Variants in STN1 observed in about 807,000 individuals in gnomAD.
STN1 encodes the protein CST complex subunit STN1.
A neutral mutation model predicts 45.5 loss-of-function variants in STN1; 29 were observed. The observed-to-expected ratio is 0.64, with a 90% CI of 0.47 to 0.87. The LOEUF (loss-of-function observed/expected upper bound fraction) is 0.87. STN1 is among the 40% of genes least tolerant of loss of function. The pLI is 0.00. For missense variants in STN1, 376 were observed against 441.4 expected (o/e 0.85, Z 1.33); for synonymous variants, 148 against 159.0 (o/e 0.93, Z 0.52).
intron 5 of STN1, among the ~76,000 whole-genome samples, chr10:103,899,500 GC>G (rs1843192775): frequency 6.6e-6 from 1 of 152,140 alleles, no homozygotes; most frequent in South Asian, 2.1e-4. Flanking sequence ...TTTGAGACCA[GC>G]CTGGACAACA....
intron 4 of STN1, among the ~76,000 whole-genome samples, chr10:103,903,301 A>C (rs1843221318): frequency 6.6e-6 from 1 of 152,226 alleles, no homozygotes; most frequent in South Asian, 2.1e-4. Flanking sequence ...CATCTAGAAC[A>C]AGTACGCATA....
intron 4 of STN1, among the ~76,000 whole-genome samples, chr10:103,904,666 C>A (rs1843229428): frequency 6.6e-6 from 1 of 152,026 alleles, no homozygotes; most frequent in African/African-American, 2.4e-5. Flanking sequence ...AAATCTGGAC[C>A]ATGGCAGCAC....
chr10:103,881,161 C>T lies in STN1; in HGVS notation c.*1523G>A, dbSNP rs1251704410. Among the ~76,000 whole-genome samples, 2 of 152,064 alleles carry T rather than the reference C, an allele frequency of 1.3e-5. No homozygotes were observed. The highest frequency in any genetic ancestry group is 4.8e-5 in the African/African-American group (2 of 41,398). ...TAACTTTTTCCCTATAGGTATTTTC[C>T]CCAATATAGAATTCTAGATTATACA... On this transcript the variant is annotated 3_prime_UTR_variant, in exon 10 of 10. Coordinates refer to ENST00000224950, the MANE Select transcript of STN1 (RefSeq NM_024928.5).
intron 7 of STN1, 131 bp from the exon 8 acceptor site, chr10:103,892,383 G>C (rs1216670284): frequency 1.3e-6 from 1 of 745,670 alleles, no homozygotes; most frequent in African/African-American, 1.8e-5. Flanking sequence ...AAAAGATCCT[G>C]GTATGTACCG....
intron 9 of STN1, among the ~76,000 whole-genome samples, chr10:103,886,774 T>C (rs1463725585): frequency 6.6e-6 from 1 of 152,200 alleles, no homozygotes; most frequent in African/African-American, 2.4e-5. Context: ...TTACTTCTTA[T>C]AAAAACCCAT....
At position 103,880,481 on chromosome 10, in the gene STN1, CCT is replaced by C. The variant is rs1357084530; in HGVS notation, c.*2201_*2202del. 6.6e-6 allele frequency among the ~76,000 whole-genome samples: 1 copy of C among 152,188 alleles called. No homozygotes were observed. The highest frequency in any genetic ancestry group is 1.5e-5 in the Non-Finnish European group (1 of 68,032). On this transcript the variant is annotated 3_prime_UTR_variant, in exon 10 of 10. Transcript: ENST00000224950. The stretch of plus-strand genomic sequence containing the variant: ...CGTGGGGTTTCATTTGGGACCCTCC[CCT>C]CTCTGCCTAGGCATTTGGCTGCCTC...
At position 103,892,213 on chromosome 10, in the gene STN1, T is replaced by G. The variant is rs74157365; in HGVS notation, c.793A>C (p.Ser265Arg). 2.6e-4 allele frequency: 424 copies of G among 1,606,016 alleles called. No individual in the cohort carries two copies. The African/African-American group carries it at 5.0e-3, about 19-fold the overall frequency. ...KKDTTSKAIH[S>R]IFKNAIQLLQ... ...AGTTGTATAGCATTCTTAAATATACTATGAATTGCCTTGGAAGTGGTGTCC... is the reference window on the plus strand; with the variant it reads ...AGTTGTATAGCATTCTTAAATATACGATGAATTGCCTTGGAAGTGGTGTCC... Residue 265 changes from serine (S) to arginine (R), a missense_variant, in exon 8 of 10, where the codon AGT becomes CGT. By Grantham distance (110) the Ser-to-Arg change is moderately radical. Transcript: ENST00000224950.
intron 3 of STN1, among the ~76,000 whole-genome samples, chr10:103,909,413 T>TAC (rs1843268971): frequency 1.4e-5 from 1 of 70,066 alleles, no homozygotes; most frequent in African/African-American, 5.5e-5. Flanking sequence ...TATATGTATA[T>TAC]ATGTATATAT....
rs766004209 is a variant in STN1 at position 103,910,542 on chromosome 10, A to G, written c.214T>C (p.Phe72Leu). The G allele has an allele frequency of 6.2e-7, 1 of 1,602,076 alleles. No homozygotes were observed. The highest frequency in any genetic ancestry group is 2.2e-5 in the East Asian group (1 of 44,832). The change falls in exon 3 of 10, where the codon TTC becomes CTC. Residue 72 changes from phenylalanine to leucine, a missense_variant. Phe to Leu is a conservative substitution (Grantham distance 22). Transcript: ENST00000224950. The part of the protein sequence containing the change: ...TVIGVRERDA[F>L]YSYGVDDSTG... Reference sequence around the variant, plus strand: ...TTGTTCTTACCTCCATAACTGTAGAAAGCATCTCTTTCTCTCACTCCAATG... The same window carrying G: ...TTGTTCTTACCTCCATAACTGTAGAGAGCATCTCTTTCTCTCACTCCAATG...
intron 3 of STN1, among the ~76,000 whole-genome samples, chr10:103,905,667 T>C (rs1271458850): frequency 6.6e-6 from 1 of 152,232 alleles, no homozygotes; most frequent in Non-Finnish European, 1.5e-5. Context: ...CCAAGTCATC[T>C]GGCCTGGGTT....
At position 103,896,614 on chromosome 10, in the gene STN1, A is replaced by G. The variant is rs1843172504; in HGVS notation, c.753+934T>C. On this transcript the variant is annotated intron_variant, in intron 7 of 9. Coordinates refer to ENST00000224950, the MANE Select transcript of STN1 (RefSeq NM_024928.5). ...TAAAACTAGGGGTAAAAACATGGAGATAACTTTTTCTTTTTTTTTTGTTGG... is the reference window on the plus strand; with the variant it reads ...TAAAACTAGGGGTAAAAACATGGAGGTAACTTTTTCTTTTTTTTTTGTTGG... 2.0e-5 allele frequency among the ~76,000 whole-genome samples: 3 copies of G among 152,210 alleles called. No homozygotes were observed. In the South Asian group the frequency reaches 6.2e-4, roughly 32 times the overall value.
In STN1 at chr10:103,896,829, C is replaced by T. The variant is rs146204315; in HGVS notation, c.753+719G>A. Among the ~76,000 whole-genome samples the T allele has an allele frequency of 3.1e-3, 479 of 152,138 alleles. 1 individual carries two copies. Among genetic ancestry groups the T allele is most frequent in the African/African-American group, 7.8e-3 (325 of 41,528 alleles). On this transcript the variant is annotated intron_variant, in intron 7 of 9. Coordinates refer to ENST00000224950, the MANE Select transcript of STN1 (RefSeq NM_024928.5). ...GGGATTACAGGCGTGAGCCACTGCG[C>T]CTGGCCCCTCGTTACTTAATCTTAT...
At chr10:103,886,292 A>T (rs1843102558) in intron 9 of STN1, among the ~76,000 whole-genome samples, 1 of 152,212 alleles carries the variant, frequency 6.6e-6, no homozygotes, top group African/African-American at 2.4e-5. Context: ...GTGTGAAATG[A>T]TTTGGTGATC....
rs1843342849 is a variant in STN1 at position 103,917,602 on chromosome 10, C to T, written c.-8G>A. The stretch of plus-strand genomic sequence containing the variant: ...GCTGGATCCAGGCTGCATCAAGAGG[C>T]AGGGCTGTGGCTTCCAGCTAACTCT... On this transcript the variant is annotated 5_prime_UTR_variant, in exon 2 of 10. Transcript: ENST00000224950. The T allele has an allele frequency of 1.2e-6, 2 of 1,612,830 alleles. No homozygotes were observed. Among genetic ancestry groups the T allele is most frequent in the South Asian group, 1.1e-5 (1 of 90,992 alleles).
At chr10:103,911,728 C>T (rs1190104404) in intron 2 of STN1, among the ~76,000 whole-genome samples, 1 of 152,102 alleles carries the variant, frequency 6.6e-6, no homozygotes, top group Non-Finnish European at 1.5e-5. Context: ...TCACCTCAGG[C>T]ATTTGGCCAT....
At chr10:103,894,096 T>C (rs544879732) in intron 7 of STN1, among the ~76,000 whole-genome samples, 3 of 152,354 alleles carry the variant, frequency 2.0e-5, no homozygotes, top group East Asian at 1.9e-4. Context: ...ATTTCATACA[T>C]GAGTGCTCTT....
rs565244906 is a variant in STN1 at position 103,892,371 on chromosome 10, C to A, written c.754-119G>T. ...CCAACAGGCCTTTTAACTGCTGAGT[C>A]AAAAAGATCCTGGTATGTACCGGCC... is the stretch of plus-strand genomic sequence containing the variant. On this transcript the variant is annotated intron_variant, in intron 7 of 9. Coordinates refer to ENST00000224950, the MANE Select transcript of STN1 (RefSeq NM_024928.5). The A allele has an allele frequency of 1.6e-5, 14 of 855,280 alleles. No homozygotes were observed. In the South Asian group the frequency reaches 2.8e-4, roughly 17 times the overall value. 53.0% of individuals were successfully genotyped at this position (855,280 alleles called of 1,614,324 possible).
At chr10:103,896,701 A>G (rs1250670678) in intron 7 of STN1, among the ~76,000 whole-genome samples, 1 of 151,674 alleles carries the variant, frequency 6.6e-6, no homozygotes, top group Admixed American at 6.6e-5. Flanking sequence ...GACCCTGTCT[A>G]ATTTTTGTAT....
At chr10:103,913,268 T>C (rs1266773298) in intron 2 of STN1, among the ~76,000 whole-genome samples, 1 of 152,206 alleles carries the variant, frequency 6.6e-6, no homozygotes. Context: ...ACTTTGTATG[T>C]GGCAACACTT....
Sources: allele counts gnomAD v4.1 joint callset (sites outside exome capture counted in the v4.1 genomes callset), GRCh38; gene constraint gnomAD v4.1.1; transcripts MANE v1.5; gene names NCBI Gene and HGNC (gene_info 2026-07-23, HGNC 2026-07-21).